Variants in PCDH15 observed in about 807,000 individuals in gnomAD.
PCDH15 encodes the protein protocadherin-15.
A neutral mutation model predicts 178.5 loss-of-function variants in PCDH15; 129 were observed. That is an observed-to-expected ratio of 0.72 (90% CI 0.63 to 0.84). The LOEUF is 0.84. Ranked by LOEUF, PCDH15 falls within the 40% of genes least tolerant of loss-of-function variation. The pLI, the probability that PCDH15 is intolerant of heterozygous loss-of-function variation, is 0.00. For missense variants in PCDH15, 2,230 were observed against 2,099.9 expected, an observed-to-expected ratio of 1.06 and a Z score of -1.21; for synonymous variants, 800 against 732.0, an observed-to-expected ratio of 1.09 and a Z score of -1.50.
chr10:55,453,521 C>CTTCCTT (rs1470560136), intron 2 of PCDH15, among the ~76,000 whole-genome samples: 1 of 152,082 alleles, frequency 6.6e-6, no homozygotes, highest in Admixed American at 6.6e-5. Context: ...TTCTCAGCCA[C>CTTCCTT]TTCCTTTTCC....
chr10:54,859,377 C>T (rs1366905475), intron 3 of PCDH15, among the ~76,000 whole-genome samples: 1 of 152,038 alleles, frequency 6.6e-6, no homozygotes, highest in African/African-American at 2.4e-5. Context: ...CCTGTGTATG[C>T]TTGTCCGTAG....
chr10:55,256,679 G>T (rs910109338), intron 1 of PCDH15, among the ~76,000 whole-genome samples: 10 of 152,190 alleles, frequency 6.6e-5, no homozygotes, highest in Non-Finnish European at 1.3e-4. Context: ...GCTGGGGGAG[G>T]GGCGCCCGCC....
chr10:54,434,253 T>G (rs7082144), intron 3 of PCDH15, among the ~76,000 whole-genome samples: 2 of 148,452 alleles, frequency 1.3e-5, no homozygotes, highest in East Asian at 1.9e-4. Flanking sequence ...GAAGAAAAAA[T>G]TAATAAATTT....
intron 2 of PCDH15, among the ~76,000 whole-genome samples, chr10:55,490,478 A>G (rs545052688): frequency 6.6e-6 from 1 of 151,922 alleles, no homozygotes; most frequent in African/African-American, 2.4e-5. Flanking sequence ...AAGTGCTGCA[A>G]ATCTTTTGAG....
At chr10:54,997,269 AG>A (rs1839672630) in intron 2 of PCDH15, among the ~76,000 whole-genome samples, 1 of 152,188 alleles carries the variant, frequency 6.6e-6, no homozygotes, top group Non-Finnish European at 1.5e-5. Flanking sequence ...GAGAGTTTCA[AG>A]GTAAAAACTA....
intron 2 of PCDH15, among the ~76,000 whole-genome samples, chr10:55,071,000 G>A (rs911620367): frequency 1.3e-5 from 2 of 152,026 alleles, no homozygotes; most frequent in Admixed American, 6.6e-5. Context: ...GCCAAACTAA[G>A]CTTCATAAGT....
At chr10:54,525,024 T>TG (rs2083241662) in intron 3 of PCDH15, among the ~76,000 whole-genome samples, 1 of 152,214 alleles carries the variant, frequency 6.6e-6, no homozygotes, top group Non-Finnish European at 1.5e-5. Context: ...ATAAATGCAC[T>TG]TGACATATAT....
chr10:53,860,512 A>G (rs2079033308), intron 27 of PCDH15, among the ~76,000 whole-genome samples: 1 of 152,000 alleles, frequency 6.6e-6, no homozygotes, highest in Non-Finnish European at 1.5e-5. Flanking sequence ...AGGCTGATCA[A>G]TTGAGGCCAA....
At chr10:55,242,491 G>T (rs1376263880) in intron 1 of PCDH15, among the ~76,000 whole-genome samples, 1 of 152,060 alleles carries the variant, frequency 6.6e-6, no homozygotes, top group Non-Finnish European at 1.5e-5. Context: ...AATTTAATGT[G>T]TAAATATATA....
intron 1 of PCDH15, among the ~76,000 whole-genome samples, chr10:55,178,180 A>T (rs1365394904): frequency 6.6e-6 from 1 of 152,122 alleles, no homozygotes; most frequent in Non-Finnish European, 1.5e-5. Flanking sequence ...TTCCATTGGC[A>T]GTGGCATTGA....
chr10:54,557,968 T>C (rs2087527106), intron 2 of PCDH15, among the ~76,000 whole-genome samples: 1 of 152,046 alleles, frequency 6.6e-6, no homozygotes, highest in Non-Finnish European at 1.5e-5. Flanking sequence ...GTTTTCATAA[T>C]CAAAAATATT....
intron 5 of PCDH15, among the ~76,000 whole-genome samples, chr10:54,357,700 C>T (rs912770723): frequency 4.6e-5 from 7 of 152,070 alleles, no homozygotes; most frequent in African/African-American, 9.7e-5. Flanking sequence ...GAGCCTGCAT[C>T]GCCAAGTCAA....
intron 8 of PCDH15, among the ~76,000 whole-genome samples, chr10:54,296,358 A>G (rs958886712): frequency 6.6e-6 from 1 of 151,910 alleles, no homozygotes; most frequent in Non-Finnish European, 1.5e-5. Flanking sequence ...GGGTCCCAAC[A>G]ACAAGTTGGT....
intron 8 of PCDH15, among the ~76,000 whole-genome samples, chr10:54,290,007 G>A (rs1223712233): frequency 6.6e-6 from 1 of 152,174 alleles, no homozygotes; most frequent in East Asian, 1.9e-4. Context: ...CCCCAAACTA[G>A]CAATGCAGGC....
intron 3 of PCDH15, among the ~76,000 whole-genome samples, chr10:54,478,936 G>T (rs962990513): frequency 2.6e-5 from 4 of 151,002 alleles, no homozygotes; most frequent in African/African-American, 9.7e-5. Flanking sequence ...GTTATTATGT[G>T]TGTCATACTG....
At chr10:53,821,538 T>C in intron 32 of PCDH15, 1 of 1,082,434 alleles carries the variant, frequency 9.2e-7, no homozygotes, top group Non-Finnish European at 1.1e-6. Context: ...ATGATAGACA[T>C]GCCTTTGGTT....
chr10:53,896,305 T>G (rs2133561923), intron 26 of PCDH15, among the ~76,000 whole-genome samples: 1 of 152,326 alleles, frequency 6.6e-6, no homozygotes. Flanking sequence ...TCAACTTTCC[T>G]TCTTCACACA....
At chr10:54,997,322 T>A (rs982766499) in intron 2 of PCDH15, among the ~76,000 whole-genome samples, 2 of 152,180 alleles carry the variant, frequency 1.3e-5, no homozygotes, top group Admixed American at 1.3e-4. Context: ...GATGTGTTTA[T>A]CATATGTTGC....
At chr10:54,752,585 T>G (rs1946495522) in intron 1 of PCDH15, among the ~76,000 whole-genome samples, 3 of 151,904 alleles carry the variant, frequency 2.0e-5, no homozygotes, top group African/African-American at 7.3e-5. Context: ...CTTTACAGCT[T>G]TTATGAAGTG....
Sources: gnomAD v4.1 joint callset for allele counts (sites outside exome capture counted in the v4.1 genomes callset) on GRCh38, gnomAD v4.1.1 for gene constraint, MANE v1.5 for transcripts, NCBI Gene and HGNC (gene_info 2026-07-23, HGNC 2026-07-21) for gene names.